The following ZNF804A variants were observed in gnomAD, a reference collection of about 807,000 sequenced individuals.
ZNF804A encodes the protein zinc finger protein 804A.
A neutral mutation model predicts 16.5 loss-of-function variants in ZNF804A; 2 were observed. That is an observed-to-expected ratio of 0.12 (90% CI 0.05 to 0.38). ZNF804A has a LOEUF of 0.38. Ranked by LOEUF, ZNF804A falls within the 10% of genes least tolerant of loss-of-function variation. ZNF804A has a pLI of 0.99. For synonymous variants in ZNF804A, 534 were observed against 489.6 expected (o/e 1.09, Z -1.20); for missense variants, 1,473 against 1,390.7 (o/e 1.06, Z -0.94).
At chr2:184,663,978 A>G (rs745847312) in intron 1 of ZNF804A, among the ~76,000 whole-genome samples, 5 of 152,360 alleles carry the variant, frequency 3.3e-5, no homozygotes, top group East Asian at 1.9e-4. Flanking sequence ...TTAGAAGAAT[A>G]TGGAAGATAA....
chr2:184,852,775 T>C (rs764967873), intron 1 of ZNF804A, among the ~76,000 whole-genome samples: 3 of 151,830 alleles, frequency 2.0e-5, no homozygotes, highest in Non-Finnish European at 2.9e-5. Context: ...TATATTTATT[T>C]CTGAACTCTC....
At chr2:184,874,477 G>T (rs1025786139) in intron 2 of ZNF804A, among the ~76,000 whole-genome samples, 1 of 151,996 alleles carries the variant, frequency 6.6e-6, no homozygotes, top group African/African-American at 2.4e-5. Context: ...TATAGAAGCT[G>T]TCTTAATTTC....
chr2:184,799,667 GCA>G, intron 1 of ZNF804A, among the ~76,000 whole-genome samples: 1 of 152,138 alleles, frequency 6.6e-6, no homozygotes, highest in Middle Eastern at 3.4e-3. Context: ...GGAACCACAG[GCA>G]CACACCGTTA....
chr2:184,739,449 A>G lies in ZNF804A; in HGVS notation c.112-126920A>G, dbSNP rs547784127. Among the ~76,000 whole-genome samples, 145 of 152,266 alleles carry G rather than the reference A, an allele frequency of 9.5e-4. 2 individuals are homozygous for G. Among genetic ancestry groups the G allele is most frequent in the Admixed American group, 3.9e-3 (59 of 15,292 alleles). On this transcript the variant is annotated intron_variant, in intron 1 of 3. Coordinates refer to ENST00000302277, the MANE Select transcript of ZNF804A (RefSeq NM_194250.2). ...CACTCCATCACCCAGGCTGGAGTGC[A>G]GTGGCACGGTCGTGGCTCACTGCAA...
chr2:184,622,519 G>GA (rs936941780), intron 1 of ZNF804A, among the ~76,000 whole-genome samples: 2 of 151,692 alleles, frequency 1.3e-5, no homozygotes, highest in Non-Finnish European at 3.0e-5. Flanking sequence ...ACTGCTGAGT[G>GA]AAAAAATTGC....
In ZNF804A at chr2:184,938,895, C is replaced by T. The variant is rs868261710; in HGVS notation, c.3499C>T (p.Pro1167Ser). 1 of 1,614,046 alleles carries T rather than the reference C, an allele frequency of 6.2e-7. No homozygotes were observed. The highest frequency in any genetic ancestry group is 8.5e-7 in the Non-Finnish European group (1 of 1,179,996). Residue 1167 changes from proline (P) to serine (S), a missense_variant, in exon 4 of 4, where the codon CCT (proline) becomes TCT (serine). Physicochemically the swap from Pro to Ser is moderately conservative, Grantham distance 74 (BLOSUM62 -1). Transcript: ENST00000302277. ...GAACCAGCCAACTTTTGTTGCTCCT[C>T]CTCAGATGCCAATCATTCCAGCTTC... is the stretch of plus-strand genomic sequence containing the variant. ...PGNQPTFVAP[P>S]QMPIIPASVL...
intron 1 of ZNF804A, among the ~76,000 whole-genome samples, chr2:184,607,469 G>A (rs1315379261): frequency 6.6e-6 from 1 of 151,958 alleles, no homozygotes; most frequent in African/African-American, 2.4e-5. Context: ...CTTATAAAAG[G>A]CCTTTATAAG....
chr2:184,914,800 C>G (rs1261135150), intron 2 of ZNF804A, among the ~76,000 whole-genome samples: 45 of 151,884 alleles, frequency 3.0e-4, no homozygotes, highest in South Asian at 1.7e-3. Context: ...ACAACTGTGT[C>G]TATATATTAT....
chr2:184,682,072 AGG>A (rs1403447003), intron 1 of ZNF804A, among the ~76,000 whole-genome samples: 1 of 152,188 alleles, frequency 6.6e-6, no homozygotes, highest in African/African-American at 2.4e-5. Flanking sequence ...AAGCTTAGGG[AGG>A]GAGACCAGTG....
intron 1 of ZNF804A, among the ~76,000 whole-genome samples, chr2:184,661,064 T>C (rs563423403): frequency 6.6e-5 from 10 of 152,360 alleles, no homozygotes; most frequent in African/African-American, 2.4e-4. Context: ...AATAATTTTA[T>C]CTTTAAATGA....
intron 1 of ZNF804A, among the ~76,000 whole-genome samples, chr2:184,619,185 T>G (rs1691378532): frequency 6.6e-6 from 1 of 152,052 alleles, no homozygotes; most frequent in Non-Finnish European, 1.5e-5. Flanking sequence ...ATTAATTTGT[T>G]CCAACACCAA....
intron 2 of ZNF804A, among the ~76,000 whole-genome samples, chr2:184,930,689 G>A (rs1685684037): frequency 1.3e-5 from 2 of 152,268 alleles, no homozygotes; most frequent in Non-Finnish European, 2.9e-5. Context: ...TTTTAAAATA[G>A]ATGGAACATT....
chr2:184,860,407 C>T (rs1208011440), intron 1 of ZNF804A, among the ~76,000 whole-genome samples: 1 of 152,218 alleles, frequency 6.6e-6, no homozygotes, highest in African/African-American at 2.4e-5. Flanking sequence ...TCTAGGACCA[C>T]AAGAACTGGC....
intron 1 of ZNF804A, among the ~76,000 whole-genome samples, chr2:184,690,184 G>A (rs1177548867): frequency 2.2e-5 from 3 of 134,110 alleles, no homozygotes; most frequent in Admixed American, 7.0e-5. Context: ...CATTAAGAAA[G>A]TCTCAGGAAA....
At chr2:184,916,627 A>T (rs1685454243) in intron 2 of ZNF804A, among the ~76,000 whole-genome samples, 1 of 152,186 alleles carries the variant, frequency 6.6e-6, no homozygotes, top group Non-Finnish European at 1.5e-5. Context: ...AGGCGGGTGG[A>T]TCATGAGGTC....
intron 1 of ZNF804A, among the ~76,000 whole-genome samples, chr2:184,707,501 C>T (rs376942459): frequency 2.0e-5 from 3 of 151,822 alleles, no homozygotes; most frequent in East Asian, 1.9e-4. Flanking sequence ...CCATGTTTAC[C>T]CAATGTTTAG....
intron 1 of ZNF804A, among the ~76,000 whole-genome samples, chr2:184,812,041 A>G (rs755153117): frequency 6.6e-5 from 10 of 152,214 alleles, no homozygotes; most frequent in African/African-American, 2.2e-4. Context: ...TACCTAAATA[A>G]CATACTAATA....
chr2:184,672,240 T>C (rs536424371), intron 1 of ZNF804A, among the ~76,000 whole-genome samples: 2 of 152,334 alleles, frequency 1.3e-5, no homozygotes, highest in South Asian at 4.1e-4. Flanking sequence ...TGTTTTATGC[T>C]CTATGGTCCT....
At position 184,710,833 on chromosome 2, in the gene ZNF804A, G is replaced by A. The variant is rs201012793; in HGVS notation, c.111+111763G>A. Among the ~76,000 whole-genome samples the A allele has an allele frequency of 1.1e-4, 17 of 151,790 alleles. No individual in the cohort carries two copies. In the East Asian group the frequency reaches 1.5e-3, roughly 14 times the overall value. On this transcript the variant is annotated intron_variant, in intron 1 of 3. Coordinates refer to ENST00000302277, the MANE Select transcript of ZNF804A (RefSeq NM_194250.2). ...AAGTCCAACATGTTGCATATGGTAC[G>A]ATTTCCTTCTTTGTTAAGGCTGAAT...
Sources: gnomAD v4.1 joint callset for allele counts (sites outside exome capture counted in the v4.1 genomes callset) on GRCh38, gnomAD v4.1.1 for gene constraint, MANE v1.5 for transcripts, NCBI Gene and HGNC (gene_info 2026-07-23, HGNC 2026-07-21) for gene names.